AHCY: variants seen among roughly 807,000 people sequenced by gnomAD.
AHCY encodes the protein S-adenosyl-L-homocysteine hydrolase.
Under a neutral mutation model 45.4 loss-of-function variants are expected in AHCY, and 24 were observed. That is an observed-to-expected ratio of 0.53 (90% CI 0.38 to 0.74). The LOEUF is 0.74. Ranked by LOEUF, AHCY falls within the 30% of genes least tolerant of loss-of-function variation. The pLI is 0.00. For synonymous variants in AHCY, 245 were observed against 235.1 expected, an observed-to-expected ratio of 1.04 and a Z score of -0.39; for missense variants, 449 against 594.1, an observed-to-expected ratio of 0.76 and a Z score of 2.54.
chr20:34,284,131 A>G (rs909780365), intron 9 of AHCY, among the ~76,000 whole-genome samples: 1 of 152,092 alleles, frequency 6.6e-6, no homozygotes, highest in East Asian at 1.9e-4. Context: ...TATGCAGACC[A>G]TACAACCATA....
the AHCY span, among the ~76,000 whole-genome samples, chr20:34,264,657 T>A: frequency 6.6e-6 from 1 of 152,212 alleles, no homozygotes; most frequent in African/African-American, 2.4e-5. Flanking sequence ...TGTAAACAGA[T>A]GAAGTAAACT....
chr20:34,239,602 T>G, the AHCY span, among the ~76,000 whole-genome samples: 1 of 152,190 alleles, frequency 6.6e-6, no homozygotes, highest in Non-Finnish European at 1.5e-5. Flanking sequence ...TGGATCCTCT[T>G]TTCAGCCCAG....
chr20:34,260,382 T>A, the AHCY span: 1 of 1,613,490 alleles, frequency 6.2e-7, no homozygotes, highest in Non-Finnish European at 8.5e-7. Flanking sequence ...GGGATGGATG[T>A]CACCCGCTTA....
chr20:34,257,632 A>G, the AHCY span, among the ~76,000 whole-genome samples: 2 of 152,124 alleles, frequency 1.3e-5, no homozygotes. Context: ...ATCTTTATGA[A>G]TTCTAGACAG....
At chr20:34,260,643 G>T in the AHCY span, 3 of 1,254,004 alleles carry the variant, frequency 2.4e-6, no homozygotes, top group Non-Finnish European at 3.3e-6. Context: ...GCTCCTTCTT[G>T]CTCGTTCCAG....
the AHCY span, among the ~76,000 whole-genome samples, chr20:34,267,459 CA>C: frequency 7.2e-3 from 335 of 46,268 alleles, no homozygotes; most frequent in East Asian, 0.026. Context: ...AACTGGCTCT[CA>C]AAAAAAAAAA....
the AHCY span, among the ~76,000 whole-genome samples, chr20:34,274,128 A>G: frequency 6.6e-6 from 1 of 152,200 alleles, no homozygotes; most frequent in South Asian, 2.1e-4. Context: ...AGACTACCAG[A>G]GCAATAGTAA....
intron 1 of AHCY, among the ~76,000 whole-genome samples, chr20:34,297,707 C>G (rs2036620539): frequency 6.6e-6 from 1 of 152,200 alleles, no homozygotes; most frequent in Admixed American, 6.5e-5. Context: ...CCCTCCAACA[C>G]CTTTCCCCAT....
At chr20:34,258,897 A>C in the AHCY span, among the ~76,000 whole-genome samples, 1 of 133,528 alleles carries the variant, frequency 7.5e-6, no homozygotes, top group South Asian at 2.2e-4. Flanking sequence ...TTATATATAT[A>C]GTGTATATAT....
intron 9 of AHCY, among the ~76,000 whole-genome samples, chr20:34,281,979 G>T (rs1204712060): frequency 6.6e-6 from 1 of 152,196 alleles, no homozygotes; most frequent in Admixed American, 6.5e-5. Context: ...GTGAGCCACC[G>T]TGCCTGGCAG....
At chr20:34,282,816 T>A (rs926338470) in intron 9 of AHCY, among the ~76,000 whole-genome samples, 1 of 152,108 alleles carries the variant, frequency 6.6e-6, no homozygotes, top group Admixed American at 6.6e-5. Context: ...CAAGCAAGCC[T>A]CTAACTCTCT....
the AHCY span, among the ~76,000 whole-genome samples, chr20:34,268,642 G>A: frequency 6.6e-6 from 1 of 151,980 alleles, no homozygotes; most frequent in Non-Finnish European, 1.5e-5. Flanking sequence ...AGGTTGAAGT[G>A]GCAGAATCGC....
rs1050409316 is a variant in AHCY, at chr20:34,303,151, G to A, written c.28+92C>T. On this transcript the variant is annotated intron_variant, in intron 1 of 9. Coordinates refer to ENST00000217426, the MANE Select transcript of AHCY (RefSeq NM_000687.4). ...CGAGGCTGCGATTCCAGGGGGTCCA[G>A]AGAGCCCCGAGTCGGCCCTGCAGCC... The A allele has an allele frequency of 3.9e-6, 6 of 1,539,264 alleles. 1 individual carries two copies. In the Middle Eastern group the frequency reaches 6.0e-4, roughly 153 times the overall value.
the AHCY span, among the ~76,000 whole-genome samples, chr20:34,270,179 G>T: frequency 1.3e-5 from 2 of 151,626 alleles, no homozygotes; most frequent in Admixed American, 6.6e-5. Context: ...TTGAGCCCTG[G>T]AGTTGGAGGC....
chr20:34,269,175 C>A, the AHCY span: 4 of 1,498,410 alleles, frequency 2.7e-6, no homozygotes, highest in African/African-American at 1.4e-5. Flanking sequence ...TGAGCGCCCC[C>A]ACTCCCGGCC....
chr20:34,301,203 A>G (rs1426703937), intron 1 of AHCY, among the ~76,000 whole-genome samples: 1 of 152,148 alleles, frequency 6.6e-6, no homozygotes, highest in Non-Finnish European at 1.5e-5. Flanking sequence ...GCAGGGCTAG[A>G]GCAGAGGCCC....
intron 1 of AHCY, among the ~76,000 whole-genome samples, chr20:34,308,532 A>G (rs1362219686): frequency 2.0e-5 from 3 of 152,212 alleles, no homozygotes; most frequent in Non-Finnish European, 2.9e-5. Flanking sequence ...ACTTGGTGAC[A>G]GAGAGAGACT....
At chr20:34,301,241 C>G (rs185523280) in intron 1 of AHCY, among the ~76,000 whole-genome samples, 51 of 152,236 alleles carry the variant, frequency 3.4e-4, no homozygotes, top group Middle Eastern at 3.4e-3. Context: ...GGGAGGGGCC[C>G]GGCTGTATGG....
At chr20:34,235,987 A>AGGAGG in the AHCY span, among the ~76,000 whole-genome samples, 17 of 86,024 alleles carry the variant, frequency 2.0e-4, no homozygotes, top group African/African-American at 1.4e-3. Flanking sequence ...GAAGAAGGAA[A>AGGAGG]GAAGGAAGGA....
Sources: allele counts gnomAD v4.1 joint callset (sites outside exome capture counted in the v4.1 genomes callset), GRCh38; gene constraint gnomAD v4.1.1; transcripts MANE v1.5; gene names NCBI Gene and HGNC (gene_info 2026-07-23, HGNC 2026-07-21).